The following BABAM2 variants were observed in gnomAD, a reference collection of about 807,000 sequenced individuals.
BABAM2 encodes the protein BRISC and BRCA1 A complex member 2, also known as BRISC and BRCA1-A complex member 2.
BABAM2 carries 31 observed loss-of-function variants against 54.7 expected under a neutral mutation model. The observed-to-expected ratio is 0.57, with a 90% confidence interval of 0.43 to 0.77. The LOEUF (loss-of-function observed/expected upper bound fraction) is 0.77. BABAM2 is among the 30% of genes least tolerant of loss of function. The pLI is 0.00. For missense variants in BABAM2, 364 were observed against 455.8 expected (o/e 0.80, Z 1.83); for synonymous variants, 167 against 162.9 (o/e 1.03, Z -0.19).
chr2:28,227,664 A>G (rs1681011110), intron 7 of BABAM2, among the ~76,000 whole-genome samples: 3 of 152,164 alleles, frequency 2.0e-5, no homozygotes, highest in African/African-American at 4.8e-5. Flanking sequence ...TCAAGTAGTC[A>G]GTGATCCCAT....
chr2:28,177,264 G>GAA (rs566586746), intron 7 of BABAM2, among the ~76,000 whole-genome samples: 1 of 139,756 alleles, frequency 7.2e-6, no homozygotes, highest in African/African-American at 2.6e-5. Flanking sequence ...AGTACTGAAA[G>GAA]AAAAAAAAAA....
chr2:28,264,876 GC>G (rs1034387658), intron 10 of BABAM2, among the ~76,000 whole-genome samples: 17 of 152,096 alleles, frequency 1.1e-4, no homozygotes, highest in African/African-American at 4.1e-4. Context: ...GGTCATGGGG[GC>G]TTCAGAAAAC....
In BABAM2 at chr2:28,079,858, C is replaced by T. The variant is rs887324240; in HGVS notation, c.570+34059C>T. Reference sequence around the variant, plus strand: ...TTTCACATAAACTCTTTGAAAAAGCCGGAATTATCTTAATGTTTTATTTGT... The same window carrying T: ...TTTCACATAAACTCTTTGAAAAAGCTGGAATTATCTTAATGTTTTATTTGT... On this transcript the variant is annotated intron_variant, in intron 6 of 11. Transcript: ENST00000379624. Among the ~76,000 whole-genome samples the T allele has an allele frequency of 2.6e-5, 4 of 151,794 alleles. No individual in the cohort carries two copies. The East Asian group carries it at 5.8e-4, about 22-fold the overall frequency.
chr2:27,988,144 G>T, intron 4 of BABAM2, 57 bp downstream of exon 4: 1 of 1,539,676 alleles, frequency 6.5e-7, no homozygotes, highest in South Asian at 1.1e-5. Context: ...AAACAAAATT[G>T]GCTTTCAGCA....
chr2:27,890,397 G>C, upstream of BABAM2: 8 of 1,546,392 alleles, frequency 5.2e-6, no homozygotes, highest in African/African-American at 1.4e-5. The surrounding 1 kb of genome is among the most constrained non-coding windows in gnomAD (Gnocchi z 4.8). Flanking sequence ...CCCTTTGCCC[G>C]ACCCCGTAAC....
intron 7 of BABAM2, among the ~76,000 whole-genome samples, chr2:28,161,053 C>T (rs1673044054): frequency 6.6e-6 from 1 of 152,116 alleles, no homozygotes; most frequent in East Asian, 1.9e-4. Context: ...CCCAATTGTG[C>T]AGAGCCAGCT....
chr2:28,049,518 A>G (rs1677846384), intron 6 of BABAM2, among the ~76,000 whole-genome samples: 1 of 152,186 alleles, frequency 6.6e-6, no homozygotes, highest in Non-Finnish European at 1.5e-5. Context: ...AATATCACAC[A>G]CTGAGCCCAT....
At chr2:28,049,713 C>T (rs1677861166) in intron 6 of BABAM2, among the ~76,000 whole-genome samples, 1 of 152,154 alleles carries the variant, frequency 6.6e-6, no homozygotes, top group African/African-American at 2.4e-5. Flanking sequence ...AGTGCAGAGC[C>T]CAGGTCACTC....
intron 10 of BABAM2, among the ~76,000 whole-genome samples, chr2:28,291,016 AGAAAT>A (rs1281453117): frequency 2.6e-5 from 4 of 152,246 alleles, no homozygotes; most frequent in Non-Finnish European, 5.9e-5. Flanking sequence ...GGTAGGGAAA[AGAAAT>A]GAACACATAC....
chr2:28,038,285 T>G (rs1033497248), intron 5 of BABAM2, among the ~76,000 whole-genome samples: 1 of 152,202 alleles, frequency 6.6e-6, no homozygotes, highest in Non-Finnish European at 1.5e-5. Context: ...CTCCAAGTAA[T>G]GAGCCCCCAA....
chr2:27,922,822 T>A (rs1283193853), intron 2 of BABAM2, among the ~76,000 whole-genome samples: 2 of 152,208 alleles, frequency 1.3e-5, no homozygotes, highest in African/African-American at 4.8e-5. Context: ...TTTAAAATAT[T>A]TAAAAATAAT....
At chr2:27,942,177 G>A (rs1483806083) in intron 3 of BABAM2, among the ~76,000 whole-genome samples, 1 of 152,174 alleles carries the variant, frequency 6.6e-6, no homozygotes, top group Non-Finnish European at 1.5e-5. Flanking sequence ...ACACTGTGGG[G>A]CTTGGCATGG....
At chr2:27,913,071 T>C (rs550109675) in intron 2 of BABAM2, among the ~76,000 whole-genome samples, 1 of 152,244 alleles carries the variant, frequency 6.6e-6, no homozygotes, top group South Asian at 2.1e-4. Flanking sequence ...TTTCAAACTC[T>C]TTGATGGAAG....
At chr2:28,038,155 C>T (rs1186412774) in intron 5 of BABAM2, among the ~76,000 whole-genome samples, 2 of 151,954 alleles carry the variant, frequency 1.3e-5, no homozygotes, top group Admixed American at 1.3e-4. Flanking sequence ...CTTAAGTAAC[C>T]AGAGAAAAAT....
chr2:28,148,153 T>C (rs1279036306), intron 7 of BABAM2, among the ~76,000 whole-genome samples: 1 of 152,206 alleles, frequency 6.6e-6, no homozygotes, highest in Non-Finnish European at 1.5e-5. Context: ...CAAGATCTCA[T>C]CTCTTGGAAT....
At chr2:28,199,694 G>C (rs377208153) in intron 7 of BABAM2, among the ~76,000 whole-genome samples, 1 of 152,172 alleles carries the variant, frequency 6.6e-6, no homozygotes, top group Non-Finnish European at 1.5e-5. Flanking sequence ...AACAGAAAAC[G>C]AACTTCTGTG....
chr2:27,974,366 A>G (rs1350598281), intron 3 of BABAM2, among the ~76,000 whole-genome samples: 1 of 152,158 alleles, frequency 6.6e-6, no homozygotes, highest in East Asian at 1.9e-4. Flanking sequence ...TGTATACAAC[A>G]TACATTATCT....
intron 7 of BABAM2, among the ~76,000 whole-genome samples, chr2:28,170,024 C>T (rs924327609): frequency 3.3e-5 from 5 of 151,840 alleles, no homozygotes; most frequent in Non-Finnish European, 4.4e-5. Context: ...GATTTATTTC[C>T]GTTTGTGAAT....
intron 6 of BABAM2, among the ~76,000 whole-genome samples, chr2:28,067,644 C>T (rs972025706): frequency 1.3e-5 from 2 of 152,152 alleles, no homozygotes; most frequent in African/African-American, 4.8e-5. Context: ...CATCAGTACA[C>T]ATTAAAGAGT....
Sources: allele counts gnomAD v4.1 joint callset (sites outside exome capture counted in the v4.1 genomes callset), GRCh38; gene constraint gnomAD v4.1.1; non-coding constraint Gnocchi (gnomAD v3.1); transcripts MANE v1.5; gene names NCBI Gene and HGNC (gene_info 2026-07-23, HGNC 2026-07-21).